USP32: variants seen among roughly 807,000 people sequenced by gnomAD.
USP32 encodes the protein ubiquitin specific peptidase 32.
Under a neutral mutation model 204.8 loss-of-function variants are expected in USP32, and 59 were observed. The observed-to-expected ratio is 0.29, with a 90% CI of 0.23 to 0.36. The LOEUF (loss-of-function observed/expected upper bound fraction) is 0.36. Ranked by LOEUF, USP32 falls within the 10% of genes least tolerant of loss-of-function variation. The pLI is 1.00. For missense variants in USP32, 1,160 were observed against 1,946.4 expected, an observed-to-expected ratio of 0.60 and a Z score of 7.60; for synonymous variants, 517 against 678.4, an observed-to-expected ratio of 0.76 and a Z score of 3.70.
At chr17:60,304,668 A>T (rs1379930827) in intron 2 of USP32, among the ~76,000 whole-genome samples, 1 of 152,210 alleles carries the variant, frequency 6.6e-6, no homozygotes, top group Non-Finnish European at 1.5e-5. Context: ...AATTGGAAGT[A>T]TACTGTTGTA....
chr17:60,354,263 A>C (rs2089018538), intron 1 of USP32, among the ~76,000 whole-genome samples: 1 of 152,148 alleles, frequency 6.6e-6, no homozygotes, highest in Non-Finnish European at 1.5e-5. Flanking sequence ...GTCTCTTGAG[A>C]GCAAAGACCA....
At chr17:60,184,751 G>A (rs906385546) in intron 30 of USP32, among the ~76,000 whole-genome samples, 2 of 150,370 alleles carry the variant, frequency 1.3e-5, no homozygotes, top group African/African-American at 4.9e-5. Context: ...TGGAGGTTGC[G>A]GTGAGCTGAG....
chr17:60,362,837 G>C (rs970233346), intron 1 of USP32, among the ~76,000 whole-genome samples: 18 of 149,608 alleles, frequency 1.2e-4, no homozygotes, highest in Admixed American at 4.0e-4. Context: ...TCCCTCAGGA[G>C]AGGAAAAAAA....
intron 26 of USP32, among the ~76,000 whole-genome samples, chr17:60,205,075 G>A (rs1467356390): frequency 6.6e-6 from 1 of 151,844 alleles, no homozygotes; most frequent in Non-Finnish European, 1.5e-5. Flanking sequence ...TTACAGGTGT[G>A]AGCCACTGCA....
At chr17:60,250,448 AT>A (rs1373547921) in intron 11 of USP32, among the ~76,000 whole-genome samples, 1 of 152,144 alleles carries the variant, frequency 6.6e-6, no homozygotes, top group Non-Finnish European at 1.5e-5. Context: ...ACTATAATAA[AT>A]TAGATTGTAA....
rs572325845 is a variant in USP32 at position 60,236,013 on chromosome 17, C to T, written c.1239+125G>A. ...TATAAACACTCATTTCCTTTCCCTTCGAATCTTTATTTAAGTTGGAGCATT... is the reference window on the plus strand; with the variant it reads ...TATAAACACTCATTTCCTTTCCCTTTGAATCTTTATTTAAGTTGGAGCATT... On this transcript the variant is annotated intron_variant, in intron 12 of 33. Transcript: ENST00000300896. 242 of 764,068 alleles carry T rather than the reference C, an allele frequency of 3.2e-4. 1 individual carries two copies. Among genetic ancestry groups the T allele is most frequent in the Admixed American group, 1.1e-3 (52 of 49,068 alleles). 47.3% of individuals were successfully genotyped at this position (764,068 alleles called of 1,614,324 possible).
At position 60,349,875 on chromosome 17, in the gene USP32, A is replaced by G. The variant is rs1030295233; in HGVS notation, c.59-4267T>C. On this transcript the variant is annotated intron_variant, in intron 1 of 33. Coordinates refer to ENST00000300896, the MANE Select transcript of USP32 (RefSeq NM_032582.4). ...GAAATGTTCCTACAGATCCATATTT[A>G]CTGAAAATAAATACATAAAAATGTT... 2.1e-4 allele frequency among the ~76,000 whole-genome samples: 31 copies of G among 151,130 alleles called. 1 individual carries two copies. The highest frequency in any genetic ancestry group is 2.0e-3 in the Admixed American group (31 of 15,148).
In USP32 at chr17:60,391,810, C is replaced by A. The variant is rs2089839673; in HGVS notation, c.58+72G>T. 4 of 1,549,994 alleles carry A rather than the reference C, an allele frequency of 2.6e-6. No individual in the cohort carries two copies. The East Asian group carries it at 9.3e-5, about 36-fold the overall frequency. ...CACGCCCTCAATCTCCCCTCTCCCTCCCGGTTACCCACCCTCCAGGCTGCC... is the reference window on the plus strand; with the variant it reads ...CACGCCCTCAATCTCCCCTCTCCCTACCGGTTACCCACCCTCCAGGCTGCC... On this transcript the variant is annotated intron_variant, in intron 1 of 33. Coordinates refer to ENST00000300896, the MANE Select transcript of USP32 (RefSeq NM_032582.4).
chr17:60,262,031 G>A (rs2086465656), intron 9 of USP32, among the ~76,000 whole-genome samples: 1 of 152,134 alleles, frequency 6.6e-6, no homozygotes, highest in African/African-American at 2.4e-5. Flanking sequence ...AGAGCATTAT[G>A]CTTAAAATCT....
At chr17:60,242,264 A>G (rs2085897311) in intron 11 of USP32, among the ~76,000 whole-genome samples, 2 of 152,078 alleles carry the variant, frequency 1.3e-5, no homozygotes, top group Admixed American at 6.5e-5. Context: ...AGCTGGGACT[A>G]CTGGCCAGCT....
intron 1 of USP32, chr17:60,421,452 C>A (rs1261171514): frequency 1.0e-6 from 1 of 985,602 alleles, no homozygotes; most frequent in East Asian, 1.1e-4. Flanking sequence ...GCGGTCCCAC[C>A]GCACTGTCGC....
chr17:60,192,000 A>AC (rs2084394957), intron 28 of USP32, among the ~76,000 whole-genome samples: 1 of 151,928 alleles, frequency 6.6e-6, no homozygotes, highest in African/African-American at 2.4e-5. Flanking sequence ...TGGCAAACTT[A>AC]TATTTAACGA....
At chr17:60,374,731 A>G (rs928531831) in intron 1 of USP32, among the ~76,000 whole-genome samples, 1 of 152,232 alleles carries the variant, frequency 6.6e-6, no homozygotes, top group African/African-American at 2.4e-5. Flanking sequence ...AAGGTATAGT[A>G]TAGTAAATGA....
At chr17:60,183,964 T>C (rs2084180248) in intron 30 of USP32, among the ~76,000 whole-genome samples, 1 of 152,162 alleles carries the variant, frequency 6.6e-6, no homozygotes, top group African/African-American at 2.4e-5. Context: ...TTTAATTGTA[T>C]GCTAATTATA....
chr17:60,415,566 C>T (rs2090053484), intron 1 of USP32, among the ~76,000 whole-genome samples: 1 of 152,196 alleles, frequency 6.6e-6, no homozygotes, highest in South Asian at 2.1e-4. Context: ...CACTGGATAG[C>T]ACTTCAAAGG....
chr17:60,364,915 T>C (rs964851564), intron 1 of USP32, among the ~76,000 whole-genome samples: 17 of 152,186 alleles, frequency 1.1e-4, no homozygotes, highest in Admixed American at 7.9e-4. Context: ...TTTATATTTG[T>C]AAAGAAAGCC....
intron 2 of USP32, among the ~76,000 whole-genome samples, chr17:60,303,734 A>T (rs1009263080): frequency 6.6e-6 from 1 of 152,182 alleles, no homozygotes; most frequent in East Asian, 1.9e-4. Flanking sequence ...TCACAGAAAG[A>T]AGGAAAAACC....
At chr17:60,184,532 G>A (rs1223276344) in intron 30 of USP32, among the ~76,000 whole-genome samples, 7 of 152,014 alleles carry the variant, frequency 4.6e-5, no homozygotes, top group Non-Finnish European at 8.8e-5. Flanking sequence ...AACATGGCTG[G>A]GCACGGTGGC....
chr17:60,222,601 G>A (rs2085280183), intron 14 of USP32, 52 bp from the exon 15 acceptor site: 2 of 1,584,858 alleles, frequency 1.3e-6, no homozygotes, highest in Non-Finnish European at 1.7e-6. Flanking sequence ...AAAAGTTTTT[G>A]GGTCTCAGCA....
Sources: allele counts gnomAD v4.1 joint callset (sites outside exome capture counted in the v4.1 genomes callset), GRCh38; gene constraint gnomAD v4.1.1; transcripts MANE v1.5; gene names NCBI Gene and HGNC (gene_info 2026-07-23, HGNC 2026-07-21).